Variants in WDPCP observed in about 807,000 individuals in gnomAD.
WDPCP encodes the protein WD repeat containing planar cell polarity effector, also known as WD repeat-containing and planar cell polarity effector protein fritz homolog.
A neutral mutation model predicts 93.1 loss-of-function variants in WDPCP; 71 were observed. The ratio of observed to expected loss-of-function variants is 0.76; its 90% CI spans 0.63 to 0.93. The LOEUF is 0.93. Among genes scored for constraint, WDPCP ranks in the 40% least tolerant of loss-of-function variants. WDPCP has a pLI of 0.00. For missense variants in WDPCP, 844 were observed against 887.4 expected (o/e 0.95, Z 0.62); for synonymous variants, 315 against 315.0 (o/e 1.00, Z 0.00).
intron 12 of WDPCP, among the ~76,000 whole-genome samples, chr2:63,364,595 A>C (rs1443308709): frequency 6.6e-6 from 1 of 152,134 alleles, no homozygotes; most frequent in African/African-American, 2.4e-5. Flanking sequence ...TGTGGACCCA[A>C]ACCCACCACT....
chr2:63,763,577 G>A (rs949667323), intron 2 of WDPCP, among the ~76,000 whole-genome samples: 9 of 151,396 alleles, frequency 5.9e-5, no homozygotes, highest in Non-Finnish European at 1.0e-4. Flanking sequence ...CTCATGAAAT[G>A]CATCCAAAAT....
chr2:63,794,257 A>ACTAC (rs1210283268), intron 2 of WDPCP, among the ~76,000 whole-genome samples: 1 of 152,070 alleles, frequency 6.6e-6, no homozygotes, highest in African/African-American at 2.4e-5. Context: ...CCCTCCCACA[A>ACTAC]TGTACAGTAG....
chr2:63,540,722 G>A (rs944236721), intron 1 of WDPCP, among the ~76,000 whole-genome samples: 1 of 151,940 alleles, frequency 6.6e-6, no homozygotes, highest in Non-Finnish European at 1.5e-5. Context: ...GTTTTTAATT[G>A]GATCCATTTT....
At chr2:63,175,738 A>C (rs1673754347) in intron 14 of WDPCP, among the ~76,000 whole-genome samples, 1 of 152,178 alleles carries the variant, frequency 6.6e-6, no homozygotes, top group African/African-American at 2.4e-5. Flanking sequence ...CTCAAGGTTT[A>C]TCCGTGTTGT....
intron 12 of WDPCP, among the ~76,000 whole-genome samples, chr2:63,316,744 G>C (rs114308790): frequency 0.015 from 2,274 of 152,164 alleles, 60 homozygotes; most frequent in African/African-American, 0.052. Context: ...AATAGGAAGA[G>C]AGGAAGTCAA....
chr2:63,522,092 G>C (rs1487083434), intron 1 of WDPCP, among the ~76,000 whole-genome samples: 4 of 151,932 alleles, frequency 2.6e-5, no homozygotes, highest in African/African-American at 9.7e-5. Context: ...GTGCATGCTT[G>C]TTACATAGGT....
chr2:63,604,645 G>A (rs1709492363), intron 3 of WDPCP: 1 of 1,458,254 alleles, frequency 6.9e-7, no homozygotes, highest in Non-Finnish European at 9.4e-7. Flanking sequence ...GGTCCCAATT[G>A]GAAATAAAAA....
At chr2:63,272,800 C>T (rs561846614) in intron 13 of WDPCP, among the ~76,000 whole-genome samples, 24 of 152,214 alleles carry the variant, frequency 1.6e-4, no homozygotes, top group East Asian at 3.9e-4. Context: ...TCCCAGAAGG[C>T]GACAATATGG....
At chr2:63,582,975 A>C (rs1305210792) in intron 1 of WDPCP, among the ~76,000 whole-genome samples, 1 of 152,208 alleles carries the variant, frequency 6.6e-6, no homozygotes, top group African/African-American at 2.4e-5. Context: ...ATCTATAAAA[A>C]GAAATTAAAA....
chr2:63,709,142 AGAAT>A (rs1669221658), intron 2 of WDPCP, among the ~76,000 whole-genome samples: 2 of 66,562 alleles, frequency 3.0e-5, no homozygotes, highest in Admixed American at 2.5e-4. Context: ...CTGAGGCCAG[AGAAT>A]CACTTGAACC....
chr2:63,588,548 G>A, upstream of WDPCP: 1 of 575,804 alleles, frequency 1.7e-6, no homozygotes, highest in South Asian at 2.0e-5. Flanking sequence ...CCAGCTTTAC[G>A]CAGCGGAAGG....
At chr2:63,472,580 C>CTTTTATT (rs796357973) in intron 6 of WDPCP, among the ~76,000 whole-genome samples, 12 of 151,960 alleles carry the variant, frequency 7.9e-5, no homozygotes, top group African/African-American at 2.9e-4. Flanking sequence ...CTGATTATTA[C>CTTTTATT]TTTTATTTTT....
At chr2:63,247,538 G>A (rs1680377822) in intron 14 of WDPCP, among the ~76,000 whole-genome samples, 1 of 152,112 alleles carries the variant, frequency 6.6e-6, no homozygotes, top group South Asian at 2.1e-4. Flanking sequence ...AATGTAGACA[G>A]CTTTGTTGCA....
chr2:63,740,490 T>C (rs1017641693), intron 2 of WDPCP, among the ~76,000 whole-genome samples: 1 of 152,178 alleles, frequency 6.6e-6, no homozygotes, highest in Non-Finnish European at 1.5e-5. Flanking sequence ...CTTTAATAAA[T>C]GATTGGGCTT....
chr2:63,565,877 T>G (rs1157406856), intron 1 of WDPCP, among the ~76,000 whole-genome samples: 7 of 152,222 alleles, frequency 4.6e-5, no homozygotes, highest in Admixed American at 4.6e-4. Context: ...CAGGTACATA[T>G]ATAGCCATCG....
At chr2:63,442,579 C>G (rs1055289706) in intron 6 of WDPCP, 1 of 152,156 alleles carries the variant, frequency 6.6e-6, no homozygotes, top group Non-Finnish European at 1.5e-5. Flanking sequence ...AACCTTGTAA[C>G]CCAGGTTGGA....
intron 13 of WDPCP, among the ~76,000 whole-genome samples, chr2:63,260,632 C>CTCTGCCTCTTCAGT (rs2104780502): frequency 6.6e-6 from 1 of 152,294 alleles, no homozygotes; most frequent in South Asian, 2.1e-4. Flanking sequence ...TCACTGAAAC[C>CTCTGCCTCTTCAGT]TCTGCCTCTT....
At chr2:63,384,628 A>G (rs565749460) in intron 10 of WDPCP, among the ~76,000 whole-genome samples, 35 of 152,056 alleles carry the variant, frequency 2.3e-4, no homozygotes, top group African/African-American at 7.9e-4. Flanking sequence ...GCATACACCT[A>G]TTGTCCCAGC....
chr2:63,350,487 A>AC (rs1320768064), intron 12 of WDPCP, among the ~76,000 whole-genome samples: 1 of 151,998 alleles, frequency 6.6e-6, no homozygotes, highest in Non-Finnish European at 1.5e-5. Context: ...AAAAAAAAAA[A>AC]AAAATACTGT....
Sources: gnomAD v4.1 joint callset for allele counts (sites outside exome capture counted in the v4.1 genomes callset) on GRCh38, gnomAD v4.1.1 for gene constraint, MANE v1.5 for transcripts, NCBI Gene and HGNC (gene_info 2026-07-23, HGNC 2026-07-21) for gene names.